SLC9A9: variants seen among roughly 807,000 people sequenced by gnomAD.
The protein encoded by SLC9A9 is solute carrier family 9 member A9, also known as sodium/hydrogen exchanger 9.
In SLC9A9, 62 loss-of-function variants were observed where a neutral mutation model predicts 77.8. That is an observed-to-expected ratio of 0.80 (90% CI 0.65 to 0.98). The LOEUF (loss-of-function observed/expected upper bound fraction) is 0.98. Among genes scored for constraint, SLC9A9 ranks in the 50% least tolerant of loss-of-function variants. The pLI is 0.00. For synonymous variants in SLC9A9, 320 were observed against 283.5 expected (o/e 1.13, Z -1.29); for missense variants, 775 against 774.9 (o/e 1.00, Z 0.00).
At chr3:143,553,674 A>C (rs1380612623) in intron 8 of SLC9A9, among the ~76,000 whole-genome samples, 3 of 152,254 alleles carry the variant, frequency 2.0e-5, no homozygotes, top group Non-Finnish European at 4.4e-5. Context: ...ACATATTTGC[A>C]TAAATGTGTA....
At chr3:143,327,967 C>G (rs1012653863) in intron 14 of SLC9A9, among the ~76,000 whole-genome samples, 6 of 152,132 alleles carry the variant, frequency 3.9e-5, no homozygotes, top group African/African-American at 1.2e-4. Flanking sequence ...AGCTTGCAAC[C>G]CATGTCAACA....
chr3:143,793,486 C>T (rs1463248829), intron 4 of SLC9A9, among the ~76,000 whole-genome samples: 9 of 152,028 alleles, frequency 5.9e-5, no homozygotes. Flanking sequence ...ATTTCAAGAC[C>T]CCATATTATA....
chr3:143,720,252 T>TA (rs200032267), intron 4 of SLC9A9, among the ~76,000 whole-genome samples: 2,704 of 145,110 alleles, frequency 0.019, 76 homozygotes, highest in African/African-American at 0.07. Flanking sequence ...TATATATATA[T>TA]TTTTTTTCAC....
chr3:143,325,422 T>G (rs1323100447), intron 14 of SLC9A9, among the ~76,000 whole-genome samples: 3 of 152,238 alleles, frequency 2.0e-5, no homozygotes, highest in Non-Finnish European at 4.4e-5. Context: ...ACCTAAAACC[T>G]TACCCTTGGC....
At chr3:143,435,501 T>C (rs1309133339) in intron 12 of SLC9A9, among the ~76,000 whole-genome samples, 1 of 152,232 alleles carries the variant, frequency 6.6e-6, no homozygotes, top group Non-Finnish European at 1.5e-5. Context: ...TATAGTTCTA[T>C]GGCAAACTTT....
intron 14 of SLC9A9, among the ~76,000 whole-genome samples, chr3:143,328,243 G>C (rs1056681804): frequency 7.9e-5 from 12 of 152,232 alleles, no homozygotes; most frequent in Non-Finnish European, 1.5e-4. Flanking sequence ...AGGAAACTAT[G>C]TGTGGGACAT....
intron 12 of SLC9A9, among the ~76,000 whole-genome samples, chr3:143,441,448 G>A (rs908435141): frequency 1.3e-5 from 2 of 152,142 alleles, no homozygotes; most frequent in Admixed American, 6.5e-5. Context: ...AGATACCTTA[G>A]CAGGTAATTA....
intron 6 of SLC9A9, among the ~76,000 whole-genome samples, chr3:143,649,856 T>C (rs1258587348): frequency 1.3e-5 from 2 of 152,166 alleles, no homozygotes; most frequent in Admixed American, 6.5e-5. Context: ...GTTCTTAAAC[T>C]TCAAAACCAC....
chr3:143,335,166 A>C (rs1356661678), intron 14 of SLC9A9, among the ~76,000 whole-genome samples: 1 of 152,194 alleles, frequency 6.6e-6, no homozygotes, highest in Non-Finnish European at 1.5e-5. Flanking sequence ...AACACTCTTA[A>C]AAGGAAATTA....
chr3:143,389,655 A>G (rs2033507579), intron 12 of SLC9A9, among the ~76,000 whole-genome samples: 1 of 152,196 alleles, frequency 6.6e-6, no homozygotes, highest in African/African-American at 2.4e-5. Flanking sequence ...ATTGTTATCA[A>G]CTCAAGAAAA....
At chr3:143,322,623 C>T (rs1184642398) in intron 14 of SLC9A9, among the ~76,000 whole-genome samples, 2 of 152,350 alleles carry the variant, frequency 1.3e-5, no homozygotes, top group South Asian at 2.1e-4. Context: ...ACAGGATCTA[C>T]ACCTCATTTT....
At chr3:143,433,121 T>C (rs1013219574) in intron 12 of SLC9A9, among the ~76,000 whole-genome samples, 24 of 152,362 alleles carry the variant, frequency 1.6e-4, no homozygotes, top group African/African-American at 5.8e-4. Context: ...AACCCTTTTA[T>C]GCAAATCTAA....
intron 6 of SLC9A9, among the ~76,000 whole-genome samples, chr3:143,599,853 C>T (rs73001776): frequency 0.032 from 4,809 of 152,206 alleles, 253 homozygotes; most frequent in African/African-American, 0.11. Flanking sequence ...ATATCAATGC[C>T]TCTTTCCATT....
chr3:143,715,008 G>T (rs564814466), intron 4 of SLC9A9, among the ~76,000 whole-genome samples: 1 of 152,138 alleles, frequency 6.6e-6, no homozygotes. Context: ...CCCTGCACAA[G>T]CTCTCTTTTT....
intron 4 of SLC9A9, among the ~76,000 whole-genome samples, chr3:143,704,100 G>A (rs1023503675): frequency 6.6e-6 from 1 of 152,104 alleles, no homozygotes; most frequent in East Asian, 1.9e-4. Context: ...TCCCAGTAAA[G>A]AAAAGCCCGG....
chr3:143,566,034 A>T (rs762093488), intron 8 of SLC9A9, among the ~76,000 whole-genome samples: 5 of 152,126 alleles, frequency 3.3e-5, no homozygotes, highest in African/African-American at 4.8e-5. Context: ...GAGTTTGAAA[A>T]CAATTTTTGC....
At chr3:143,610,158 T>A (rs1326686017) in intron 6 of SLC9A9, among the ~76,000 whole-genome samples, 2 of 152,060 alleles carry the variant, frequency 1.3e-5, no homozygotes, top group African/African-American at 2.4e-5. Flanking sequence ...ATTTTTTTTT[T>A]ATTTATTTGA....
chr3:143,530,877 A>G lies in SLC9A9; in HGVS notation c.1089+21485T>C, dbSNP rs536482140. ...TGTGATTCAGGATTTGCCTCTGTCA[A>G]CTTACCTCCTTTTAGCATTTTATGT... is the stretch of plus-strand genomic sequence containing the variant. On this transcript the variant is annotated intron_variant, in intron 9 of 15. Transcript: ENST00000316549. Among the ~76,000 whole-genome samples, 6 of 152,288 alleles carry G rather than the reference A, an allele frequency of 3.9e-5. No individual in the cohort carries two copies. The South Asian group carries it at 1.2e-3, about 32-fold the overall frequency.
chr3:143,289,287 T>C (rs190446158), intron 14 of SLC9A9, among the ~76,000 whole-genome samples: 2 of 152,326 alleles, frequency 1.3e-5, no homozygotes, highest in Admixed American at 1.3e-4. Flanking sequence ...ATCGTGCCAG[T>C]AACAAGGCTG....
Sources: allele counts gnomAD v4.1 joint callset (sites outside exome capture counted in the v4.1 genomes callset), GRCh38; gene constraint gnomAD v4.1.1; transcripts MANE v1.5; gene names NCBI Gene and HGNC (gene_info 2026-07-23, HGNC 2026-07-21).